The following BDKRB2 variants were observed in gnomAD, a reference collection of about 807,000 sequenced individuals.
BDKRB2 encodes bradykinin receptor B2.
Under a neutral mutation model 4.0 loss-of-function variants are expected in BDKRB2, and 6 were observed. That is an observed-to-expected ratio of 1.49 (90% CI 0.81 to 2.93). BDKRB2 has a LOEUF of 2.93. Among genes scored for constraint, BDKRB2 ranks in the 30% most tolerant of loss-of-function variants. BDKRB2 has a pLI of 0.00. For synonymous variants in BDKRB2, 225 were observed against 215.3 expected (o/e 1.05, Z -0.40); for missense variants, 478 against 520.1 (o/e 0.92, Z 0.79).
chr14:96,205,012 A>G (rs914019389), intron 1 of BDKRB2, 53 bp downstream of exon 1: 3 of 193,392 alleles, frequency 1.6e-5, no homozygotes, highest in Non-Finnish European at 3.4e-5. Flanking sequence ...TGGGAGGACA[A>G]ACTGTCCCAG....
rs751935351 is a variant in BDKRB2 at position 96,237,132 on chromosome 14, A to G, written c.25A>G (p.Met9Val). 1.1e-5 allele frequency: 18 copies of G among 1,613,926 alleles called. 1 individual carries two copies. The East Asian group carries it at 2.2e-4, about 20-fold the overall frequency. Residue 9 changes from methionine (M) to valine (V), a missense_variant, in exon 2 of 3, where the codon ATG (methionine) becomes GTG (valine). Met to Val is a conservative substitution (Grantham distance 21). Transcript: ENST00000554311. ...AATGTTCTCTCCCTGGAAGATATCA[A>G]TGTTTCTGTCTGTTCGTGAGGACTC... MFSPWKIS[M>V]FLSVREDSVP...
chr14:96,214,323 A>G, intron 1 of BDKRB2, among the ~76,000 whole-genome samples: 1 of 152,148 alleles, frequency 6.6e-6, no homozygotes, highest in East Asian at 1.9e-4. Flanking sequence ...TTGACAGAAC[A>G]ATCTGTGGAT....
At chr14:96,214,921 A>G (rs1322410956) in intron 1 of BDKRB2, 1 of 152,232 alleles carries the variant, frequency 6.6e-6, no homozygotes, top group Non-Finnish European at 1.5e-5. Context: ...GCTTTTCTGC[A>G]GCAGCGAATG....
intron 1 of BDKRB2, among the ~76,000 whole-genome samples, chr14:96,230,620 GTT>G (rs35987165): frequency 0.23 from 31,224 of 136,620 alleles, 3,671 homozygotes; most frequent in South Asian, 0.3. Context: ...CTTTGCTGTA[GTT>G]TTTTTTTTTT....
At chr14:96,229,682 G>T (rs1595258861) in intron 1 of BDKRB2, among the ~76,000 whole-genome samples, 1 of 152,230 alleles carries the variant, frequency 6.6e-6, no homozygotes, top group Non-Finnish European at 1.5e-5. Flanking sequence ...GGCCACGGAG[G>T]GTTAGTGACA....
Position 96,241,269 on chromosome 14 carries a change from C to T in BDKRB2, c.941C>T (p.Thr314Ile). 1 of 1,614,002 alleles carries T rather than the reference C, an allele frequency of 6.2e-7. No homozygotes were observed. Among genetic ancestry groups the T allele is most frequent in the Non-Finnish European group, 8.5e-7 (1 of 1,179,908 alleles). The change falls in exon 3 of 3, where the codon ACA becomes ATA. Residue 314 changes from threonine (T) to isoleucine (I), a missense_variant. Thr to Ile is a moderately conservative substitution (Grantham distance 89, BLOSUM62 -1). Transcript: ENST00000554311. ...GACGAGCGCATCATCGATGTAATCA[C>T]ACAGATCGCCTCCTTCATGGCCTAC... ...CQDERIIDVITQIASFMAYSN... is the reference protein window; with the variant it reads ...CQDERIIDVIIQIASFMAYSN...
rs369992160 is a variant in BDKRB2 at position 96,231,138 on chromosome 14, G to A, written c.-39-5931G>A. ...TCCGGGGTATCCAAGGGTGAGCAAA[G>A]CCAGGCCGGCAGGCCTCCTCCTCCC... On this transcript the variant is annotated intron_variant, in intron 1 of 2. Transcript: ENST00000554311. Among the ~76,000 whole-genome samples the A allele has an allele frequency of 3.9e-5, 6 of 152,226 alleles. No individual in the cohort carries two copies. The East Asian group carries it at 1.2e-3, about 29-fold the overall frequency.
chr14:96,235,970 CT>C (rs1180986276), intron 1 of BDKRB2, among the ~76,000 whole-genome samples: 1 of 152,172 alleles, frequency 6.6e-6, no homozygotes, highest in African/African-American at 2.4e-5. Flanking sequence ...AGCCATGGGA[CT>C]GAGACAAGTC....
rs139436518 is a variant in BDKRB2 at position 96,221,821 on chromosome 14, G to A, written c.-39-15248G>A. On this transcript the variant is annotated intron_variant, in intron 1 of 2. Coordinates refer to ENST00000554311, the MANE Select transcript of BDKRB2 (RefSeq NM_001379692.1). ...AGGAGAGAGAGGAAGGATTAAGGACGATTGAGTGGGTCATAGGGGTTGAGG... is the reference window on the plus strand; with the variant it reads ...AGGAGAGAGAGGAAGGATTAAGGACAATTGAGTGGGTCATAGGGGTTGAGG... Among the ~76,000 whole-genome samples the A allele has an allele frequency of 5.1e-4, 77 of 152,210 alleles. No homozygotes were observed. In the East Asian group the frequency reaches 6.8e-3, roughly 13 times the overall value.
At chr14:96,218,017 C>T (rs10132462) in intron 1 of BDKRB2, among the ~76,000 whole-genome samples, 12,493 of 152,072 alleles carry the variant, frequency 0.082, 852 homozygotes, top group East Asian at 0.26. Flanking sequence ...TGCTGAGCCT[C>T]AGTTCCTTCA....
intron 1 of BDKRB2, among the ~76,000 whole-genome samples, chr14:96,212,536 C>A (rs1359186499): frequency 6.6e-6 from 1 of 152,166 alleles, no homozygotes; most frequent in Non-Finnish European, 1.5e-5. Context: ...CTAAGGATGG[C>A]TCTTTGAAGA....
chr14:96,211,194 C>T (rs1890294002), intron 1 of BDKRB2: 2 of 152,368 alleles, frequency 1.3e-5, no homozygotes, highest in African/African-American at 4.8e-5. Flanking sequence ...AAAGACTGGG[C>T]CTTTCCCTCA....
At chr14:96,210,032 A>G (rs1403737260) in intron 1 of BDKRB2, among the ~76,000 whole-genome samples, 1 of 151,992 alleles carries the variant, frequency 6.6e-6, no homozygotes, top group African/African-American at 2.4e-5. Flanking sequence ...CATCATCATC[A>G]TCATAGCATA....
rs189481034 is a variant in BDKRB2 at position 96,220,527 on chromosome 14, G to A, written c.-40+15568G>A. Among the ~76,000 whole-genome samples, 145 of 152,184 alleles carry A rather than the reference G, an allele frequency of 9.5e-4. 1 individual carries two copies. Among genetic ancestry groups the A allele is most frequent in the Non-Finnish European group, 1.7e-3 (114 of 68,004 alleles). ...TGAGATCATCAAGGTCTTTTTGTCC[G>A]TTTTCTAAGGAGTTGGGGTCATTGG... is the stretch of plus-strand genomic sequence containing the variant. On this transcript the variant is annotated intron_variant, in intron 1 of 2. Coordinates refer to ENST00000554311, the MANE Select transcript of BDKRB2 (RefSeq NM_001379692.1).
intron 1 of BDKRB2, among the ~76,000 whole-genome samples, chr14:96,211,348 A>T (rs1566687409): frequency 6.6e-6 from 1 of 152,328 alleles, no homozygotes; most frequent in East Asian, 1.9e-4. Context: ...CCTGGGGTAC[A>T]TCACCCCCAC....
intron 1 of BDKRB2, among the ~76,000 whole-genome samples, chr14:96,228,462 G>A (rs1433983902): frequency 6.6e-6 from 1 of 152,128 alleles, no homozygotes; most frequent in Non-Finnish European, 1.5e-5. Flanking sequence ...CTCTTAGTCG[G>A]GTGGGGAGCT....
intron 1 of BDKRB2, among the ~76,000 whole-genome samples, chr14:96,235,391 T>C (rs1890908366): frequency 1.3e-5 from 2 of 148,828 alleles, no homozygotes; most frequent in South Asian, 4.3e-4. Flanking sequence ...TTCAAACACA[T>C]GATCTCTCAC....
intron 1 of BDKRB2, among the ~76,000 whole-genome samples, chr14:96,231,810 C>T (rs1313414313): frequency 1.3e-5 from 2 of 152,202 alleles, no homozygotes; most frequent in Non-Finnish European, 2.9e-5. Context: ...CCAAGTACAG[C>T]GAATATGGTG....
intron 1 of BDKRB2, among the ~76,000 whole-genome samples, chr14:96,215,169 T>G (rs1890389876): frequency 1.3e-5 from 2 of 152,230 alleles, no homozygotes; most frequent in Admixed American, 1.3e-4. Context: ...CCAGCGCCAG[T>G]AATAATTTGG....
Sources: allele counts gnomAD v4.1 joint callset (sites outside exome capture counted in the v4.1 genomes callset), GRCh38; gene constraint gnomAD v4.1.1; transcripts MANE v1.5; gene names NCBI Gene and HGNC (gene_info 2026-07-23, HGNC 2026-07-21).